The following DENND1B variants were observed in gnomAD, a reference collection of about 807,000 sequenced individuals.
DENND1B encodes the protein DENN domain-containing protein 1B.
Under a neutral mutation model 90.1 loss-of-function variants are expected in DENND1B, and 59 were observed. That is an observed-to-expected ratio of 0.65 (90% CI 0.53 to 0.81). The LOEUF is 0.81. Ranked by LOEUF, DENND1B falls within the 40% of genes least tolerant of loss-of-function variation. The pLI, the probability that DENND1B is intolerant of heterozygous loss-of-function variation, is 0.00. For synonymous variants in DENND1B, 337 were observed against 324.6 expected, an observed-to-expected ratio of 1.04 and a Z score of -0.41; for missense variants, 862 against 912.6, an observed-to-expected ratio of 0.94 and a Z score of 0.71.
chr1:197,637,453 C>T (rs115617555), intron 10 of DENND1B, among the ~76,000 whole-genome samples: 82 of 152,156 alleles, frequency 5.4e-4, no homozygotes, highest in African/African-American at 1.9e-3. Context: ...GGCAGAAATA[C>T]GTGTTTATTT....
chr1:197,529,136 C>T (rs1274451765), intron 20 of DENND1B, among the ~76,000 whole-genome samples: 1 of 147,276 alleles, frequency 6.8e-6, no homozygotes, highest in Non-Finnish European at 1.5e-5. Flanking sequence ...GCTGTTTTTA[C>T]ATAATTAACT....
intron 19 of DENND1B, 72 bp downstream of exon 19, chr1:197,540,887 C>A: frequency 7.2e-7 from 1 of 1,391,006 alleles, no homozygotes; most frequent in South Asian, 1.3e-5. Flanking sequence ...ACACAAATTT[C>A]TAATTTGGAA....
intron 10 of DENND1B, among the ~76,000 whole-genome samples, chr1:197,624,670 T>G (rs1678489404): frequency 6.6e-6 from 1 of 151,882 alleles, no homozygotes. Context: ...GGATAGAGAA[T>G]GACTTTGACG....
chr1:197,521,851 C>A (rs1361641553), intron 20 of DENND1B, among the ~76,000 whole-genome samples: 1 of 151,940 alleles, frequency 6.6e-6, no homozygotes, highest in African/African-American at 2.4e-5. Flanking sequence ...TACTATACAA[C>A]AAATTTGGTG....
chr1:197,556,822 C>G (rs1459672213), intron 15 of DENND1B, among the ~76,000 whole-genome samples: 1 of 152,000 alleles, frequency 6.6e-6, no homozygotes, highest in Non-Finnish European at 1.5e-5. Flanking sequence ...ATAAAGTCCA[C>G]TTTCCCCAGT....
At chr1:197,725,158 C>T (rs1026934045) in intron 2 of DENND1B, among the ~76,000 whole-genome samples, 15 of 152,144 alleles carry the variant, frequency 9.9e-5, no homozygotes, top group Admixed American at 7.9e-4. Flanking sequence ...CATGACTAGA[C>T]ACATCACAAT....
intron 2 of DENND1B, chr1:197,746,940 C>G (rs1188696992): frequency 2.1e-6 from 3 of 1,406,750 alleles, no homozygotes; most frequent in Middle Eastern, 1.8e-4. Context: ...TTCTGAGTTC[C>G]TCAGTCTTCT....
intron 16 of DENND1B, among the ~76,000 whole-genome samples, chr1:197,549,152 G>A (rs1386802562): frequency 1.3e-5 from 2 of 152,024 alleles, no homozygotes; most frequent in Admixed American, 6.6e-5. Flanking sequence ...CATTATTTTT[G>A]TTAATAAAAC....
chr1:197,745,616 T>TTTTATA (rs1320132394), intron 2 of DENND1B, among the ~76,000 whole-genome samples: 14 of 71,812 alleles, frequency 1.9e-4, no homozygotes, highest in African/African-American at 8.2e-4. Flanking sequence ...CATATATATA[T>TTTTATA]TATATATATA....
At chr1:197,547,464 C>G (rs1462827877) in intron 16 of DENND1B, among the ~76,000 whole-genome samples, 2 of 152,168 alleles carry the variant, frequency 1.3e-5, no homozygotes, top group Middle Eastern at 3.2e-3. Context: ...TAATCAACAT[C>G]AGGCAAGAAG....
chr1:197,649,967 C>T (rs977576777), intron 7 of DENND1B, among the ~76,000 whole-genome samples: 5 of 152,000 alleles, frequency 3.3e-5, no homozygotes, highest in Non-Finnish European at 5.9e-5. Flanking sequence ...ACAGTCTATA[C>T]ATCTGATGTT....
intron 16 of DENND1B, 188 bp downstream of exon 16, chr1:197,552,834 G>C: frequency 7.4e-7 from 1 of 1,347,722 alleles, no homozygotes; most frequent in Non-Finnish European, 9.4e-7. Context: ...TTAATGCCTT[G>C]AGTAACAGGT....
At chr1:197,617,545 G>A (rs1027253027) in intron 11 of DENND1B, 114 bp downstream of exon 11, 8 of 706,572 alleles carry the variant, frequency 1.1e-5, no homozygotes, top group Middle Eastern at 2.5e-4. Context: ...TTATTAAAAT[G>A]TAAGTTTCTG....
chr1:197,536,751 T>C (rs1453091527), intron 20 of DENND1B, among the ~76,000 whole-genome samples: 4 of 152,090 alleles, frequency 2.6e-5, no homozygotes, highest in Admixed American at 2.6e-4. Flanking sequence ...TTAAGATATA[T>C]ACAACACAGA....
intron 10 of DENND1B, among the ~76,000 whole-genome samples, chr1:197,621,639 C>T (rs535970571): frequency 6.6e-6 from 1 of 151,222 alleles, no homozygotes; most frequent in East Asian, 1.9e-4. Context: ...TATCATATGT[C>T]TGATTAGTGA....
intron 3 of DENND1B, among the ~76,000 whole-genome samples, chr1:197,693,700 T>G (rs940274872): frequency 1.3e-5 from 2 of 151,508 alleles, no homozygotes; most frequent in African/African-American, 4.8e-5. Flanking sequence ...CACATCATAT[T>G]CCATCATCTT....
chr1:197,586,293 T>C (rs1202276157), intron 14 of DENND1B, among the ~76,000 whole-genome samples: 3 of 152,184 alleles, frequency 2.0e-5, no homozygotes, highest in Non-Finnish European at 4.4e-5. Flanking sequence ...ATGATATTGT[T>C]CAGACTAAAT....
At chr1:197,623,090 T>C (rs1161499422) in intron 10 of DENND1B, among the ~76,000 whole-genome samples, 1 of 151,376 alleles carries the variant, frequency 6.6e-6, no homozygotes, top group Admixed American at 6.6e-5. Flanking sequence ...CCTCATTCTT[T>C]TGTAGAAATC....
intron 2 of DENND1B, among the ~76,000 whole-genome samples, chr1:197,737,472 A>T (rs1662803562): frequency 6.6e-6 from 1 of 152,226 alleles, no homozygotes; most frequent in Non-Finnish European, 1.5e-5. Flanking sequence ...ACTTGTGGAC[A>T]TCTGTCTAGC....
Sources: gnomAD v4.1 joint callset for allele counts (sites outside exome capture counted in the v4.1 genomes callset) on GRCh38, gnomAD v4.1.1 for gene constraint, MANE v1.5 for transcripts, NCBI Gene and HGNC (gene_info 2026-07-23, HGNC 2026-07-21) for gene names.